BRAF: variants seen among roughly 807,000 people sequenced by gnomAD.
BRAF encodes the protein serine/threonine-protein kinase B-raf.
BRAF carries 16 observed loss-of-function variants against 104.6 expected under a neutral mutation model. The ratio of observed to expected loss-of-function variants is 0.15; its 90% CI spans 0.10 to 0.23. The LOEUF is 0.23. BRAF is among the 10% of genes least tolerant of loss of function. The probability of loss-of-function intolerance (pLI) is 1.00; values close to 1 mark genes in which losing one functional copy is unlikely to be tolerated. For synonymous variants in BRAF, 310 were observed against 341.6 expected (o/e 0.91, Z 1.02); for missense variants, 541 against 937.3 (o/e 0.58, Z 5.52).
chr7:140,900,352 AGCTTTCAG>A (rs1184479179), intron 1 of BRAF, among the ~76,000 whole-genome samples: 1 of 152,188 alleles, frequency 6.6e-6, no homozygotes, highest in African/African-American at 2.4e-5. Flanking sequence ...TTTTTCTAAA[AGCTTTCAG>A]GGTTTCCCCT....
In BRAF at chr7:140,726,160, A is replaced by T. The variant is rs1795586666; in HGVS notation, c.*334T>A. The T allele has an allele frequency of 8.8e-7, 1 of 1,139,910 alleles. No individual in the cohort carries two copies. The highest frequency in any genetic ancestry group is 1.6e-5 in the African/African-American group (1 of 62,782). 70.6% of individuals were successfully genotyped at this position (1,139,910 alleles called of 1,614,324 possible). A position where few individuals can be genotyped will look rare whatever the true frequency, so the allele number is the denominator to read the frequency against. On this transcript the variant is annotated 3_prime_UTR_variant, in exon 20 of 20. Transcript: ENST00000644969. Reference sequence around the variant, plus strand: ...GTTGACTGGCAGACTTTCCATAGCAAATCTCCCAAGCTGTAGCAGCAGTTT... The same window carrying T: ...GTTGACTGGCAGACTTTCCATAGCATATCTCCCAAGCTGTAGCAGCAGTTT...
At chr7:140,782,607 G>A (rs1800989610) in intron 11 of BRAF, among the ~76,000 whole-genome samples, 1 of 152,072 alleles carries the variant, frequency 6.6e-6, no homozygotes, top group Non-Finnish European at 1.5e-5. Context: ...TACATGTGCA[G>A]AATGTGCAGG....
At chr7:140,742,856 G>C (rs1282486322) in intron 17 of BRAF, among the ~76,000 whole-genome samples, 7 of 151,428 alleles carry the variant, frequency 4.6e-5, no homozygotes, top group Non-Finnish European at 8.8e-5. Context: ...AATCTACAAT[G>C]AACTCAAACA....
chr7:140,845,297 G>A (rs1293560528), intron 2 of BRAF, among the ~76,000 whole-genome samples: 1 of 152,122 alleles, frequency 6.6e-6, no homozygotes, highest in Non-Finnish European at 1.5e-5. Flanking sequence ...AGAATGTCAT[G>A]GCATTGGATT....
At chr7:140,755,351 G>C (rs1473745823) in intron 14 of BRAF, among the ~76,000 whole-genome samples, 7 of 152,110 alleles carry the variant, frequency 4.6e-5, no homozygotes, top group Non-Finnish European at 8.8e-5. Context: ...CTTAAAATGA[G>C]AATTTAAAAT....
At chr7:140,893,121 A>G (rs1248622685) in intron 1 of BRAF, among the ~76,000 whole-genome samples, 1 of 152,138 alleles carries the variant, frequency 6.6e-6, no homozygotes, top group Admixed American at 6.5e-5. Flanking sequence ...AAGACATTAA[A>G]AATGGAGGAG....
chr7:140,727,826 T>C (rs1795697003), intron 19 of BRAF, among the ~76,000 whole-genome samples: 1 of 151,750 alleles, frequency 6.6e-6, no homozygotes, highest in Non-Finnish European at 1.5e-5. Flanking sequence ...TTTCACTGTG[T>C]TAGTTAGGAT....
chr7:140,866,820 G>A (rs1563004253), intron 1 of BRAF, among the ~76,000 whole-genome samples: 1 of 151,960 alleles, frequency 6.6e-6, no homozygotes, highest in Non-Finnish European at 1.5e-5. Flanking sequence ...TAAGATGTAT[G>A]CTCACTAGTT....
rs915922464 is a variant in BRAF at position 140,781,554 on chromosome 7, T to A, written c.1552+22A>T. 6 of 1,588,348 alleles carry A rather than the reference T, an allele frequency of 3.8e-6. No homozygotes were observed. Among genetic ancestry groups the A allele is most frequent in the Middle Eastern group, 1.7e-4 (1 of 6,014 alleles). On this transcript the variant is annotated intron_variant, in intron 12 of 19. Coordinates refer to ENST00000644969, the MANE Select transcript of BRAF (RefSeq NM_001374258.1). ...CATATCCTATTATGACTTGTCACAA[T>A]GTCACCACATTACATACTTACCATG... is the stretch of plus-strand genomic sequence containing the variant.
chr7:140,855,646 T>G (rs1049866130), intron 1 of BRAF, among the ~76,000 whole-genome samples: 1 of 151,514 alleles, frequency 6.6e-6, no homozygotes, highest in Non-Finnish European at 1.5e-5. Context: ...ATATATATAT[T>G]CATATATATA....
chr7:140,853,345 C>T (rs1809406412), intron 1 of BRAF, among the ~76,000 whole-genome samples: 1 of 152,100 alleles, frequency 6.6e-6, no homozygotes. Flanking sequence ...CCACCCCAAC[C>T]TAGGCAACAG....
intron 1 of BRAF, among the ~76,000 whole-genome samples, chr7:140,890,759 A>G (rs755560625): frequency 8.5e-5 from 13 of 152,212 alleles, no homozygotes; most frequent in Non-Finnish European, 1.8e-4. Flanking sequence ...TCTGATGTAC[A>G]GGCAAGGTCA....
Position 140,719,767 on chromosome 7 carries a change from G to A in BRAF, c.*6727C>T. 3 of 1,062,634 alleles carry A rather than the reference G, an allele frequency of 2.8e-6. No homozygotes were observed. The highest frequency in any genetic ancestry group is 3.4e-6 in the Non-Finnish European group (3 of 877,684). The allele number at this position is 1,062,634 out of a possible 1,614,324, so 65.8% of individuals were successfully genotyped here. A position where few individuals can be genotyped will look rare whatever the true frequency, so the allele number is the denominator to read the frequency against. On this transcript the variant is annotated 3_prime_UTR_variant, in exon 20 of 20. Coordinates refer to ENST00000644969, the MANE Select transcript of BRAF (RefSeq NM_001374258.1). Reference sequence around the variant, plus strand: ...CTCCATTGTAATTTTTGCAAAGCAGGTATAGAGAGGTCTGTGGACAATTAA... The same window carrying A: ...CTCCATTGTAATTTTTGCAAAGCAGATATAGAGAGGTCTGTGGACAATTAA...
intron 1 of BRAF, among the ~76,000 whole-genome samples, chr7:140,885,471 C>G (rs567221199): frequency 9.9e-5 from 15 of 152,220 alleles, no homozygotes; most frequent in Admixed American, 2.6e-4. Context: ...CAAATAGTAT[C>G]TTAGTAGGAT....
Position 140,808,061 on chromosome 7 carries a change from C to T in BRAF, c.610G>A (p.Glu204Lys). 6.2e-7 allele frequency: 1 copy of T among 1,607,728 alleles called. No individual in the cohort carries two copies. Among genetic ancestry groups the T allele is most frequent in the Non-Finnish European group, 8.5e-7 (1 of 1,174,446 alleles). Residue 204 changes from glutamate (E) to lysine (K), a missense_variant and splice_region_variant, in exon 5 of 20, where the codon GAG (glutamate) becomes AAG (lysine). By Grantham distance (56) the Glu-to-Lys change is moderately conservative. Around this residue, in one of 10 missense-constraint regions of BRAF, gnomAD observed 26 missense variants for 74.4 expected, o/e 0.35. Transcript: ENST00000644969. Reference sequence around the variant, plus strand: ...GTGTCCCAACCAATTGGTTTCTTCTCTCTGAAAAATGTAGACACAAGCCTT... The same window carrying T: ...GTGTCCCAACCAATTGGTTTCTTCTTTCTGAAAAATGTAGACACAAGCCTT... Reference protein sequence around the residue: ...CCAVYRIQDGEKKPIGWDTDI... With the variant: ...CCAVYRIQDGKKKPIGWDTDI...
chr7:140,753,356 A>C lies in BRAF; in HGVS notation c.1899T>G (p.Gly633=). The C allele has an allele frequency of 1.9e-6, 3 of 1,611,650 alleles. No individual in the cohort carries two copies. Among genetic ancestry groups the C allele is most frequent in the Non-Finnish European group, 1.7e-6 (2 of 1,177,972 alleles). The change falls in exon 16 of 20, where the codon GGT becomes GGG. Residue 633 remains glycine (G), a synonymous_variant. Coordinates refer to ENST00000644969, the MANE Select transcript of BRAF (RefSeq NM_001374258.1). ...FLHEDLTVKI[G]DFGLATVKSR... ...ATTTCACTGTAGCTAGACCAAAATC[A>C]CCTATTTTTACTGTGAGGTCTTCAT...
At chr7:140,917,782 G>T (rs1482267844) in intron 1 of BRAF, among the ~76,000 whole-genome samples, 1 of 152,052 alleles carries the variant, frequency 6.6e-6, no homozygotes, top group South Asian at 2.1e-4. Context: ...CACAAGCTAA[G>T]AATACTTTTT....
intron 1 of BRAF, among the ~76,000 whole-genome samples, chr7:140,871,959 G>A (rs1020001583): frequency 6.6e-6 from 1 of 152,240 alleles, no homozygotes; most frequent in East Asian, 1.9e-4. Context: ...GCTCATGCCT[G>A]TAATCCTAGC....
chr7:140,864,747 T>A (rs956494637), intron 1 of BRAF, among the ~76,000 whole-genome samples: 1 of 152,230 alleles, frequency 6.6e-6, no homozygotes, highest in Non-Finnish European at 1.5e-5. Context: ...TGGTCATTCC[T>A]ATTTACATAC....
Sources: allele counts gnomAD v4.1 joint callset (sites outside exome capture counted in the v4.1 genomes callset), GRCh38; gene constraint gnomAD v4.1.1; regional missense constraint gnomAD v4.1.1; transcripts MANE v1.5; gene names NCBI Gene and HGNC (gene_info 2026-07-23, HGNC 2026-07-21).